The following CTNNA3 variants were observed in gnomAD, a reference collection of about 807,000 sequenced individuals.
CTNNA3 encodes the protein catenin alpha-3.
A neutral mutation model predicts 95.7 loss-of-function variants in CTNNA3; 76 were observed. That is an observed-to-expected ratio of 0.79 (90% CI 0.66 to 0.96). The LOEUF is 0.96. Ranked by LOEUF, CTNNA3 falls within the 40% of genes least tolerant of loss-of-function variation. The pLI is 0.00. For missense variants in CTNNA3, 1,191 were observed against 1,089.8 expected, an observed-to-expected ratio of 1.09 and a Z score of -1.31; for synonymous variants, 431 against 374.4, an observed-to-expected ratio of 1.15 and a Z score of -1.74.
At chr10:66,068,089 C>T (rs1253829033) in intron 15 of CTNNA3, among the ~76,000 whole-genome samples, 1 of 152,142 alleles carries the variant, frequency 6.6e-6, no homozygotes, top group Non-Finnish European at 1.5e-5. Flanking sequence ...CAACACGATG[C>T]TCTGTACCAA....
At chr10:66,616,905 T>C (rs759771209) in intron 10 of CTNNA3, among the ~76,000 whole-genome samples, 1 of 151,908 alleles carries the variant, frequency 6.6e-6, no homozygotes, top group African/African-American at 2.4e-5. Context: ...TTATTAAAAA[T>C]AAGACACACC....
chr10:66,477,389 G>A (rs1589304262), intron 11 of CTNNA3, among the ~76,000 whole-genome samples: 1 of 152,202 alleles, frequency 6.6e-6, no homozygotes, highest in African/African-American at 2.4e-5. Flanking sequence ...AGAAGGGGTT[G>A]TTTTTGACAG....
At chr10:67,339,112 C>T (rs778277777) in intron 5 of CTNNA3, among the ~76,000 whole-genome samples, 1 of 152,154 alleles carries the variant, frequency 6.6e-6, no homozygotes, top group Non-Finnish European at 1.5e-5. Flanking sequence ...CTTGGAGAGG[C>T]TCTAGACCAG....
intron 5 of CTNNA3, among the ~76,000 whole-genome samples, chr10:67,279,549 T>TGAA (rs1564531368): frequency 2.9e-5 from 4 of 138,792 alleles, no homozygotes; most frequent in African/African-American, 8.3e-5. Context: ...AATAGTCAAT[T>TGAA]AGGTATTTGT....
intron 7 of CTNNA3, among the ~76,000 whole-genome samples, chr10:66,892,950 T>C (rs1227125962): frequency 2.0e-5 from 3 of 152,152 alleles, no homozygotes; most frequent in Non-Finnish European, 4.4e-5. Context: ...ACAGTGTGAA[T>C]GAGCATAATT....
chr10:67,219,200 A>AT (rs1442726598), intron 6 of CTNNA3, among the ~76,000 whole-genome samples: 8 of 152,128 alleles, frequency 5.3e-5, no homozygotes, highest in African/African-American at 1.7e-4. Flanking sequence ...TATTGGTTTT[A>AT]TTTTTTGCCT....
At chr10:67,622,074 A>G (rs1036744544) in intron 2 of CTNNA3, among the ~76,000 whole-genome samples, 1 of 152,206 alleles carries the variant, frequency 6.6e-6, no homozygotes, top group African/African-American at 2.4e-5. Flanking sequence ...ACAGTATCTC[A>G]TAAGACAAGT....
intron 11 of CTNNA3, among the ~76,000 whole-genome samples, chr10:66,452,951 C>T (rs1358122902): frequency 6.6e-6 from 1 of 152,114 alleles, no homozygotes; most frequent in Non-Finnish European, 1.5e-5. Context: ...TGCAGTGGCT[C>T]ATGCCTGTAA....
intron 2 of CTNNA3, among the ~76,000 whole-genome samples, chr10:67,614,107 T>C (rs1843568562): frequency 6.6e-6 from 1 of 152,162 alleles, no homozygotes; most frequent in South Asian, 2.1e-4. Flanking sequence ...TATTCCCTTA[T>C]TTGTCCCCGC....
At chr10:66,339,748 A>G (rs1310801643) in intron 12 of CTNNA3, among the ~76,000 whole-genome samples, 1 of 151,832 alleles carries the variant, frequency 6.6e-6, no homozygotes, top group Non-Finnish European at 1.5e-5. Context: ...AGTTGATTTA[A>G]TCTTATTCAT....
chr10:66,887,406 A>T (rs1332672538), intron 7 of CTNNA3, among the ~76,000 whole-genome samples: 1 of 152,192 alleles, frequency 6.6e-6, no homozygotes, highest in Non-Finnish European at 1.5e-5. Context: ...TAAAAGAAAA[A>T]GTCTAGTATT....
intron 3 of CTNNA3, among the ~76,000 whole-genome samples, chr10:67,587,480 G>A (rs1007453141): frequency 6.6e-6 from 1 of 151,962 alleles, no homozygotes; most frequent in African/African-American, 2.4e-5. Context: ...TAATCTTGCT[G>A]GATATAGAAT....
chr10:66,169,441 T>C (rs2085304960), intron 13 of CTNNA3, among the ~76,000 whole-genome samples: 1 of 152,198 alleles, frequency 6.6e-6, no homozygotes, highest in Non-Finnish European at 1.5e-5. Context: ...TTTGGGCTGG[T>C]TCCACATTTT....
At chr10:66,514,435 A>T (rs1161600971) in intron 11 of CTNNA3, among the ~76,000 whole-genome samples, 3 of 152,220 alleles carry the variant, frequency 2.0e-5, no homozygotes, top group African/African-American at 7.2e-5. Context: ...CACATCTTCA[A>T]CTATCCTTCA....
intron 5 of CTNNA3, among the ~76,000 whole-genome samples, chr10:67,488,825 G>A (rs894600234): frequency 5.9e-5 from 9 of 151,818 alleles, no homozygotes; most frequent in South Asian, 2.1e-4. Flanking sequence ...GCATGCCACC[G>A]TGTCCAGCTA....
intron 7 of CTNNA3, among the ~76,000 whole-genome samples, chr10:66,777,559 T>C (rs187214612): frequency 1.3e-5 from 2 of 152,252 alleles, no homozygotes; most frequent in Admixed American, 6.5e-5. Context: ...TGGGGAATTA[T>C]GAAGAGCTAA....
At chr10:66,749,108 C>G (rs1354616617) in intron 9 of CTNNA3, among the ~76,000 whole-genome samples, 2 of 138,710 alleles carry the variant, frequency 1.4e-5, no homozygotes, top group African/African-American at 5.4e-5. Flanking sequence ...GAGGCTGAGA[C>G]AGGAGAATCA....
chr10:66,140,328 C>T (rs551144437), intron 13 of CTNNA3, among the ~76,000 whole-genome samples: 69 of 152,218 alleles, frequency 4.5e-4, no homozygotes, highest in African/African-American at 1.2e-3. Flanking sequence ...TTGTTAAGTA[C>T]CAATGTAATC....
chr10:66,514,016 G>A (rs950984750), intron 11 of CTNNA3, among the ~76,000 whole-genome samples: 6 of 152,176 alleles, frequency 3.9e-5, no homozygotes, highest in African/African-American at 1.2e-4. Flanking sequence ...CCCAGGGCAG[G>A]ATGTAGTCTG....
Sources: allele counts gnomAD v4.1 joint callset (sites outside exome capture counted in the v4.1 genomes callset), GRCh38; gene constraint gnomAD v4.1.1; transcripts MANE v1.5; gene names NCBI Gene and HGNC (gene_info 2026-07-23, HGNC 2026-07-21).